Variants in AFF2 observed in about 807,000 individuals in gnomAD.
AFF2 encodes AF4/FMR2 family member 2.
A neutral mutation model predicts 76.9 loss-of-function variants in AFF2; 14 were observed. The observed-to-expected ratio is 0.18, with a 90% CI of 0.12 to 0.28. The LOEUF (loss-of-function observed/expected upper bound fraction) is 0.28. AFF2 is among the 10% of genes least tolerant of loss of function. The pLI is 1.00. For synonymous variants in AFF2, 398 were observed against 366.7 expected (o/e 1.09, Z -0.98); for missense variants, 868 against 1,001.1 (o/e 0.87, Z 1.79).
At chrX:148,844,055 A>G (rs1279372707) in intron 7 of AFF2, among the ~76,000 whole-genome samples, 2 of 112,482 alleles carry the variant, frequency 1.8e-5, no homozygotes, top group Non-Finnish European at 3.8e-5. Context: ...GGATACGAAA[A>G]CAACTGTGAT....
intron 7 of AFF2, among the ~76,000 whole-genome samples, chrX:148,866,572 A>C (rs2070909779): frequency 8.9e-6 from 1 of 112,274 alleles, no homozygotes; most frequent in Non-Finnish European, 1.9e-5. Context: ...AAAGTCTGTA[A>C]AGAACCTGGA....
intron 9 of AFF2, among the ~76,000 whole-genome samples, chrX:148,945,077 A>T (rs937087713): frequency 5.4e-5 from 6 of 111,088 alleles, no homozygotes; most frequent in Non-Finnish European, 1.1e-4. Flanking sequence ...TATGCCCTGG[A>T]TCCCCACTAC....
chrX:148,604,812 A>G (rs782436944), intron 1 of AFF2, among the ~76,000 whole-genome samples: 2 of 111,620 alleles, frequency 1.8e-5, no homozygotes, highest in Non-Finnish European at 3.8e-5. Context: ...ATAGAAAATA[A>G]TGAGGTAGAG....
chrX:148,727,786 A>T (rs2055177699), intron 3 of AFF2, among the ~76,000 whole-genome samples: 1 of 112,096 alleles, frequency 8.9e-6, no homozygotes, highest in Non-Finnish European at 1.9e-5. Context: ...TTCAGCATGG[A>T]AATTGTACAG....
chrX:148,666,725 C>T (rs985952699), intron 3 of AFF2, among the ~76,000 whole-genome samples: 4 of 111,674 alleles, frequency 3.6e-5, no homozygotes, highest in Admixed American at 9.5e-5. Context: ...AGAATTTTCT[C>T]GGAACTGCAT....
At chrX:148,545,932 T>C (rs782020087) in intron 1 of AFF2, among the ~76,000 whole-genome samples, 1 of 111,529 alleles carries the variant, frequency 9.0e-6, no homozygotes, top group African/African-American at 3.3e-5. Context: ...AATATTGTAA[T>C]ATTTTACACC....
At chrX:148,883,320 T>A (rs1481288073) in intron 7 of AFF2, among the ~76,000 whole-genome samples, 6 of 111,784 alleles carry the variant, frequency 5.4e-5, no homozygotes, top group African/African-American at 2.0e-4. Flanking sequence ...TCTGATTACT[T>A]TTTAATAGTA....
chrX:148,791,573 C>T (rs2069895799), intron 3 of AFF2, among the ~76,000 whole-genome samples: 2 of 112,432 alleles, frequency 1.8e-5, no homozygotes, highest in African/African-American at 6.5e-5. Flanking sequence ...AAAACTTCCG[C>T]TCTTGAATTA....
intron 3 of AFF2, among the ~76,000 whole-genome samples, chrX:148,771,118 C>T (rs1212846702): frequency 8.9e-6 from 1 of 112,103 alleles, no homozygotes; most frequent in Non-Finnish European, 1.9e-5. Context: ...ATGAGCAGAA[C>T]TTCTCATGAG....
At chrX:148,927,985 C>T (rs1305709918) in intron 9 of AFF2, among the ~76,000 whole-genome samples, 2 of 111,714 alleles carry the variant, frequency 1.8e-5, no homozygotes, top group African/African-American at 3.3e-5. Context: ...TCCAACATCT[C>T]CTCAATGAAG....
intron 1 of AFF2, among the ~76,000 whole-genome samples, chrX:148,566,708 T>C (rs2053174628): frequency 9.0e-6 from 1 of 111,175 alleles, no homozygotes. Flanking sequence ...AGAATCTCCA[T>C]GTTGAGAAAA....
intron 1 of AFF2, among the ~76,000 whole-genome samples, chrX:148,612,193 G>T (rs940042495): frequency 1.9e-4 from 21 of 111,843 alleles, no homozygotes; most frequent in South Asian, 3.7e-4. Context: ...ACCATTTATA[G>T]TTCTGACAAT....
intron 7 of AFF2, among the ~76,000 whole-genome samples, chrX:148,880,033 G>A (rs1311929032): frequency 5.3e-5 from 6 of 112,367 alleles, no homozygotes; most frequent in Non-Finnish European, 9.4e-5. Flanking sequence ...TTGCCTGTGG[G>A]CACAGTGGTT....
At chrX:148,662,847 A>G in intron 3 of AFF2, 79 bp downstream of exon 3, 1 of 1,038,455 alleles carries the variant, frequency 9.6e-7, no homozygotes, top group Non-Finnish European at 1.3e-6. Flanking sequence ...AGTATTCACA[A>G]GCAGCTCTCA....
intron 1 of AFF2, among the ~76,000 whole-genome samples, chrX:148,524,123 CTGTGTGTGTGTGTGTG>C (rs59890095): frequency 4.3e-4 from 36 of 83,462 alleles, no homozygotes; most frequent in Middle Eastern, 0.013. Context: ...CTCTCTCTCT[CTGTGTGTGTGTGTGTG>C]TGTGTGTGTG....
rs185092389 is a variant in AFF2, at chrX:148,661,060, C to A, written c.181-848C>A. 2.0e-3 allele frequency among the ~76,000 whole-genome samples: 229 copies of A among 112,368 alleles called. 1 individual carries two copies. The highest frequency in any genetic ancestry group is 6.8e-3 in the African/African-American group (209 of 30,942). ...GTGGTGTAGCTGGTATACTGATTGTCCATAAAATGAGTTGGTTGCCTCTCT... is the reference window on the plus strand; with the variant it reads ...GTGGTGTAGCTGGTATACTGATTGTACATAAAATGAGTTGGTTGCCTCTCT... On this transcript the variant is annotated intron_variant, in intron 2 of 20. Coordinates refer to ENST00000370460, the MANE Select transcript of AFF2 (RefSeq NM_002025.4).
chrX:148,531,796 C>T (rs1557235943), intron 1 of AFF2, among the ~76,000 whole-genome samples: 1 of 112,272 alleles, frequency 8.9e-6, no homozygotes, highest in African/African-American at 3.2e-5. Context: ...AACAGCTACA[C>T]AAGTCAGCTG....
At chrX:148,736,100 T>A (rs183810891) in intron 3 of AFF2, among the ~76,000 whole-genome samples, 15 of 112,320 alleles carry the variant, frequency 1.3e-4, no homozygotes, top group Middle Eastern at 4.6e-3. Context: ...ATCTTTTTCC[T>A]ATAATGATCT....
intron 8 of AFF2, among the ~76,000 whole-genome samples, chrX:148,902,512 A>C (rs967726797): frequency 2.7e-4 from 30 of 112,194 alleles, no homozygotes; most frequent in African/African-American, 9.7e-4. Context: ...ATGTATGTAC[A>C]GACTGGGTCC....
Sources: allele counts gnomAD v4.1 joint callset (sites outside exome capture counted in the v4.1 genomes callset), GRCh38; gene constraint gnomAD v4.1.1; transcripts MANE v1.5; gene names NCBI Gene and HGNC (gene_info 2026-07-23, HGNC 2026-07-21).